The following BDKRB2 variants were observed in gnomAD, a reference collection of about 807,000 sequenced individuals.
BDKRB2 encodes the protein B2 bradykinin receptor.
In BDKRB2, 6 loss-of-function variants were observed where a neutral mutation model predicts 4.0. The ratio of observed to expected loss-of-function variants is 1.49; its 90% confidence interval spans 0.81 to 2.93. The LOEUF is 2.93. Ranked by LOEUF, BDKRB2 falls within the 30% of genes most tolerant of loss-of-function variation. The pLI, the probability that BDKRB2 is intolerant of heterozygous loss-of-function variation, is 0.00. For missense variants in BDKRB2, 478 were observed against 520.1 expected (o/e 0.92, Z 0.79); for synonymous variants, 225 against 215.3 (o/e 1.05, Z -0.40).
Position 96,228,085 on chromosome 14 carries a change from C to CTGCTCTGGGAGAAGGGAGAG in BDKRB2, c.-39-8981_-39-8980insTCTGGGAGAAGGGAGAGTGC, listed in dbSNP as rs1566692544. On this transcript the variant is annotated intron_variant, in intron 1 of 2. Transcript: ENST00000554311. ...TCAATCCCTCACTATTCCTTGGGGC[C>CTGCTCTGGGAGAAGGGAGAG]TGCCCTGGGAGAAGGGAGAGTTCCC... Among the ~76,000 whole-genome samples, 3 of 152,302 alleles carry CTGCTCTGGGAGAAGGGAGAG rather than the reference C, an allele frequency of 2.0e-5. No homozygotes were observed. The East Asian group carries it at 5.8e-4, about 29-fold the overall frequency.
In BDKRB2 at chr14:96,239,478, A is replaced by G; in HGVS notation, c.75-925A>G. ...AAAGGTGCCTGCCCTATGGTCTGTG[A>G]GTCTTGCCTAAGAATGAAAGAGGAG... On this transcript the variant is annotated intron_variant, in intron 2 of 2. Coordinates refer to ENST00000554311, the MANE Select transcript of BDKRB2 (RefSeq NM_001379692.1). 3 of 985,404 alleles carry G rather than the reference A, an allele frequency of 3.0e-6. No homozygotes were observed. The African/African-American group carries it at 5.2e-5, about 17-fold the overall frequency. The allele number at this position is 985,404 out of a possible 1,614,324, so 61.0% of individuals were successfully genotyped here. A position where few individuals can be genotyped will look rare whatever the true frequency, so the allele number is the denominator to read the frequency against.
At chr14:96,208,987 T>A (rs1452331121) in intron 1 of BDKRB2, among the ~76,000 whole-genome samples, 1 of 152,196 alleles carries the variant, frequency 6.6e-6, no homozygotes, top group African/African-American at 2.4e-5. Flanking sequence ...CACAGCCCCG[T>A]CGCTTCTGTG....
intron 1 of BDKRB2, among the ~76,000 whole-genome samples, chr14:96,227,893 A>G (rs1890735654): frequency 1.3e-5 from 2 of 152,200 alleles, no homozygotes; most frequent in Non-Finnish European, 2.9e-5. Context: ...GAGAAGAGAC[A>G]CGGGGTGGCT....
At chr14:96,221,436 C>T (rs1458746902) in intron 1 of BDKRB2, among the ~76,000 whole-genome samples, 1 of 152,114 alleles carries the variant, frequency 6.6e-6, no homozygotes, top group East Asian at 1.9e-4. Context: ...CTGTAGACCA[C>T]CAATGTGGGC....
At chr14:96,232,480 G>A (rs1397781672) in intron 1 of BDKRB2, among the ~76,000 whole-genome samples, 1 of 152,186 alleles carries the variant, frequency 6.6e-6, no homozygotes, top group Non-Finnish European at 1.5e-5. Flanking sequence ...CATGTCACCT[G>A]TACAACCATT....
intron 1 of BDKRB2, among the ~76,000 whole-genome samples, chr14:96,232,995 C>A (rs532524339): frequency 6.6e-6 from 1 of 152,208 alleles, no homozygotes; most frequent in Non-Finnish European, 1.5e-5. Context: ...GACATGGGAA[C>A]CTTCATAAGG....
At position 96,204,925 on chromosome 14, in the gene BDKRB2, C is replaced by A. The variant is rs1030933703; in HGVS notation, c.-74C>A. The A allele has an allele frequency of 6.9e-6, 2 of 291,376 alleles. No homozygotes were observed. Among genetic ancestry groups the A allele is most frequent in the Non-Finnish European group, 1.4e-5 (2 of 142,296 alleles). 18.0% of individuals were successfully genotyped at this position (291,376 alleles called of 1,614,324 possible). A position where few individuals can be genotyped will look rare whatever the true frequency, so the allele number is the denominator to read the frequency against. Reference sequence around the variant, plus strand: ...CAGGCTGCCCCGCAGTACCAGGGAGCGACTGAAGTGCCCATGCCGCTTGCT... The same window carrying A: ...CAGGCTGCCCCGCAGTACCAGGGAGAGACTGAAGTGCCCATGCCGCTTGCT... On this transcript the variant is annotated 5_prime_UTR_variant, in exon 1 of 3. Transcript: ENST00000554311.
At chr14:96,237,776 C>T in intron 2 of BDKRB2, 1 of 1,289,756 alleles carries the variant, frequency 7.8e-7, no homozygotes, top group Non-Finnish European at 1.0e-6. Context: ...GTGCACTGGA[C>T]CTATAGTTTC....
In BDKRB2 at chr14:96,211,541, T is replaced by C. The variant is rs74661848; in HGVS notation, c.-40+6582T>C. On this transcript the variant is annotated intron_variant, in intron 1 of 2. Coordinates refer to ENST00000554311, the MANE Select transcript of BDKRB2 (RefSeq NM_001379692.1). Reference sequence around the variant, plus strand: ...TGGGCCAGGGCCTGCAGATGAGGGATCTGTGCTGATCATTTGTGATAGCCA... The same window carrying C: ...TGGGCCAGGGCCTGCAGATGAGGGACCTGTGCTGATCATTTGTGATAGCCA... Among the ~76,000 whole-genome samples the C allele has an allele frequency of 0.014, 2,115 of 152,326 alleles. 148 individuals carry two copies. The East Asian group carries it at 0.2, about 14-fold the overall frequency.
At chr14:96,237,969 T>A (rs881181) in intron 2 of BDKRB2, 7 of 1,189,004 alleles carry the variant, frequency 5.9e-6, no homozygotes, top group Non-Finnish European at 7.4e-6. Flanking sequence ...GCCAGGGGTA[T>A]GCAGGAAATG....
intron 1 of BDKRB2, chr14:96,223,370 C>G (rs1890621664): frequency 1.2e-6 from 1 of 868,370 alleles, no homozygotes; most frequent in East Asian, 2.4e-5. Context: ...ACTTTTCAGA[C>G]TCAAGCTTTA....
intron 1 of BDKRB2, among the ~76,000 whole-genome samples, chr14:96,221,695 C>T: frequency 6.6e-6 from 1 of 151,856 alleles, no homozygotes; most frequent in East Asian, 1.9e-4. Context: ...ACCAGAGCGT[C>T]CTGGTGTTTA....
At chr14:96,220,596 G>A (rs1890535674) in intron 1 of BDKRB2, among the ~76,000 whole-genome samples, 1 of 151,816 alleles carries the variant, frequency 6.6e-6, no homozygotes, top group Non-Finnish European at 1.5e-5. Context: ...AGACTCCGAG[G>A]GCCACCTCCT....
chr14:96,241,079 C>G lies in BDKRB2; in HGVS notation c.751C>G (p.Leu251Val). ...TFCTMQIMQV[L>V]RNNEMQKFKE... ...CTGCACGATGCAGATCATGCAGGTG[C>G]TGCGGAACAACGAGATGCAGAAGTT... The change falls in exon 3 of 3, where the codon CTG (leucine) becomes GTG (valine). Residue 251 changes from leucine to valine, a missense_variant. By Grantham distance (32) the Leu-to-Val change is conservative. Coordinates refer to ENST00000554311, the MANE Select transcript of BDKRB2 (RefSeq NM_001379692.1). The G allele has an allele frequency of 6.2e-7, 1 of 1,614,058 alleles. No individual in the cohort carries two copies. The highest frequency in any genetic ancestry group is 8.5e-7 in the Non-Finnish European group (1 of 1,179,960).
At position 96,240,659 on chromosome 14, in the gene BDKRB2, C is replaced by A. The variant is rs1186789152; in HGVS notation, c.331C>A (p.Pro111Thr). ...AADLILACGL[P>T]FWAITISNNF... ...AGACCTGATCCTGGCCTGCGGGCTG[C>A]CCTTCTGGGCCATCACCATCTCCAA... Residue 111 changes from proline (P) to threonine (T), a missense_variant, in exon 3 of 3, where the codon CCC (proline) becomes ACC (threonine). Physicochemically the swap from Pro to Thr is conservative, Grantham distance 38 (BLOSUM62 -1). Coordinates refer to ENST00000554311, the MANE Select transcript of BDKRB2 (RefSeq NM_001379692.1). The A allele has an allele frequency of 6.3e-7, 1 of 1,576,584 alleles. No individual in the cohort carries two copies. Among genetic ancestry groups the A allele is most frequent in the Non-Finnish European group, 8.6e-7 (1 of 1,164,600 alleles).
In BDKRB2 at chr14:96,237,087, C is replaced by A; in HGVS notation, c.-21C>A. On this transcript the variant is annotated 5_prime_UTR_variant, in exon 2 of 3. Transcript: ENST00000554311. Reference sequence around the variant, plus strand: ...TGTTCAGCCCAGGTGTGGCCTCACTCACATCCCACTCTGAGTCCAAATGTT... The same window carrying A: ...TGTTCAGCCCAGGTGTGGCCTCACTAACATCCCACTCTGAGTCCAAATGTT... The A allele has an allele frequency of 6.2e-7, 1 of 1,605,518 alleles. No homozygotes were observed. The highest frequency in any genetic ancestry group is 8.5e-7 in the Non-Finnish European group (1 of 1,172,094).
At chr14:96,234,349 G>A (rs954368135) in intron 1 of BDKRB2, among the ~76,000 whole-genome samples, 4 of 152,220 alleles carry the variant, frequency 2.6e-5, no homozygotes, top group African/African-American at 4.8e-5. Flanking sequence ...CTCCAGGTCT[G>A]GCCAGCATAA....
Position 96,240,950 on chromosome 14 carries a change from G to C in BDKRB2, c.622G>C (p.Val208Leu), listed in dbSNP as rs139203012. The C allele has an allele frequency of 6.3e-7, 1 of 1,592,186 alleles. No individual in the cohort carries two copies. The highest frequency in any genetic ancestry group is 8.6e-7 in the Non-Finnish European group (1 of 1,168,244). ...MKEYSDEGHN[V>L]TACVISYPSL... ...GGAGTACAGCGATGAGGGCCACAAC[G>C]TCACCGCTTGTGTCATCAGCTACCC... Residue 208 changes from valine (V) to leucine (L), a missense_variant, in exon 3 of 3, where the codon GTC (valine) becomes CTC (leucine). Coordinates refer to ENST00000554311, the MANE Select transcript of BDKRB2 (RefSeq NM_001379692.1).
intron 2 of BDKRB2, 69 bp from the exon 3 acceptor site, chr14:96,240,334 T>G: frequency 7.1e-7 from 1 of 1,400,898 alleles, no homozygotes; most frequent in South Asian, 2.1e-5. Context: ...CCCTGTCTCC[T>G]TCTGGACCAG....
Sources: allele counts gnomAD v4.1 joint callset (sites outside exome capture counted in the v4.1 genomes callset), GRCh38; gene constraint gnomAD v4.1.1; transcripts MANE v1.5; gene names NCBI Gene and HGNC (gene_info 2026-07-23, HGNC 2026-07-21).